PTPRM: variants seen among roughly 807,000 people sequenced by gnomAD.
PTPRM encodes receptor-type tyrosine-protein phosphatase mu.
PTPRM carries 47 observed loss-of-function variants against 186.7 expected under a neutral mutation model. The ratio of observed to expected loss-of-function variants is 0.25; its 90% confidence interval spans 0.20 to 0.32. The LOEUF is 0.32. Ranked by LOEUF, PTPRM falls within the 10% of genes least tolerant of loss-of-function variation. PTPRM has a pLI of 1.00. For synonymous variants in PTPRM, 668 were observed against 674.9 expected, an observed-to-expected ratio of 0.99 and a Z score of 0.16; for missense variants, 1,494 against 1,865.0, an observed-to-expected ratio of 0.80 and a Z score of 3.66.
chr18:8,322,445 C>CT (rs1458738397), intron 22 of PTPRM, among the ~76,000 whole-genome samples: 4 of 152,160 alleles, frequency 2.6e-5, no homozygotes, highest in Non-Finnish European at 5.9e-5. Flanking sequence ...TGTCTGGCCA[C>CT]TAATATATGA....
At chr18:8,314,027 C>T (rs568719311) in intron 20 of PTPRM, among the ~76,000 whole-genome samples, 22 of 152,170 alleles carry the variant, frequency 1.4e-4, no homozygotes, top group African/African-American at 4.1e-4. Flanking sequence ...TATACATTTT[C>T]AAGGAAATAA....
At chr18:7,628,628 T>C (rs1182787523) in intron 1 of PTPRM, among the ~76,000 whole-genome samples, 1 of 152,224 alleles carries the variant, frequency 6.6e-6, no homozygotes, top group Non-Finnish European at 1.5e-5. Context: ...ATCTTTTTTT[T>C]ACTATATTGA....
chr18:8,158,375 A>G (rs1362787651), intron 14 of PTPRM, among the ~76,000 whole-genome samples: 1 of 152,132 alleles, frequency 6.6e-6, no homozygotes, highest in Non-Finnish European at 1.5e-5. Context: ...TTCACTTTCT[A>G]GTTCATAAGA....
intron 2 of PTPRM, among the ~76,000 whole-genome samples, chr18:7,796,212 G>C (rs2043636782): frequency 6.6e-6 from 1 of 151,984 alleles, no homozygotes; most frequent in Admixed American, 6.6e-5. Flanking sequence ...ATTAACGGAT[G>C]TTCACTGGTG....
intron 14 of PTPRM, among the ~76,000 whole-genome samples, chr18:8,178,393 T>A (rs967635379): frequency 6.6e-6 from 1 of 152,256 alleles, no homozygotes; most frequent in African/African-American, 2.4e-5. Flanking sequence ...AGGACTGATT[T>A]GTTTGCAAAA....
At chr18:8,347,991 G>GA (rs1292262966) in intron 23 of PTPRM, among the ~76,000 whole-genome samples, 1 of 152,186 alleles carries the variant, frequency 6.6e-6, no homozygotes, top group African/African-American at 2.4e-5. Flanking sequence ...TCCCTCATGG[G>GA]AAAAGCACTC....
At chr18:8,401,799 A>G (rs2095873617) in intron 32 of PTPRM, among the ~76,000 whole-genome samples, 1 of 152,178 alleles carries the variant, frequency 6.6e-6, no homozygotes, top group Non-Finnish European at 1.5e-5. Flanking sequence ...AGCCAACCTC[A>G]ATTTCCAGTT....
At chr18:8,378,878 C>T (rs1049444374) in intron 27 of PTPRM, among the ~76,000 whole-genome samples, 3 of 152,182 alleles carry the variant, frequency 2.0e-5, no homozygotes, top group South Asian at 4.1e-4. Context: ...CTCTGACCTC[C>T]CAAATCCCCA....
chr18:7,952,515 G>A (rs900969666), intron 6 of PTPRM, among the ~76,000 whole-genome samples: 30 of 151,348 alleles, frequency 2.0e-4, no homozygotes, highest in East Asian at 5.9e-4. Context: ...TGGCTAACAC[G>A]GTGAAACCCT....
chr18:8,300,153 A>T (rs1262909261), intron 20 of PTPRM, among the ~76,000 whole-genome samples: 1 of 152,192 alleles, frequency 6.6e-6, no homozygotes, highest in Admixed American at 6.5e-5. Flanking sequence ...CAGGTCCATA[A>T]ATAAATGGAG....
At chr18:7,961,466 A>G (rs1599737817) in intron 7 of PTPRM, among the ~76,000 whole-genome samples, 1 of 152,184 alleles carries the variant, frequency 6.6e-6, no homozygotes, top group African/African-American at 2.4e-5. Context: ...CTTTTTAATT[A>G]TGCTGATAAT....
chr18:8,235,811 T>G (rs1354557095), intron 14 of PTPRM, among the ~76,000 whole-genome samples: 1 of 125,834 alleles, frequency 7.9e-6, no homozygotes, highest in Non-Finnish European at 1.8e-5. Context: ...TAAATTTCTC[T>G]TGAGATTTCT....
chr18:7,890,334 C>T lies in PTPRM; in HGVS notation c.468+1957C>T, dbSNP rs116256246. On this transcript the variant is annotated intron_variant, in intron 3 of 32. Coordinates refer to ENST00000580170, the MANE Select transcript of PTPRM (RefSeq NM_001105244.2). ...CAGGGCTGCTTGTCTTCAAAATGGGCGTGAACAGCATCCAGTAATCCATTC... is the reference window on the plus strand; with the variant it reads ...CAGGGCTGCTTGTCTTCAAAATGGGTGTGAACAGCATCCAGTAATCCATTC... 5.8e-3 allele frequency among the ~76,000 whole-genome samples: 877 copies of T among 152,128 alleles called. 4 individuals are homozygous for T. The highest frequency in any genetic ancestry group is 0.02 in the African/African-American group (844 of 41,506).
chr18:7,604,828 C>A (rs1427415047), intron 1 of PTPRM, among the ~76,000 whole-genome samples: 1 of 152,138 alleles, frequency 6.6e-6, no homozygotes, highest in African/African-American at 2.4e-5. Flanking sequence ...TGTACTTCAG[C>A]TGGTGTCCCT....
chr18:8,347,521 G>A (rs2095511724), intron 23 of PTPRM, among the ~76,000 whole-genome samples: 1 of 152,150 alleles, frequency 6.6e-6, no homozygotes. Flanking sequence ...AATTTTCAGG[G>A]AGCCAGGTTT....
chr18:7,763,599 T>C (rs2041882391), intron 1 of PTPRM, among the ~76,000 whole-genome samples: 1 of 152,210 alleles, frequency 6.6e-6, no homozygotes, highest in South Asian at 2.1e-4. Context: ...TTAGAAGAAG[T>C]TCTCCTCATG....
intron 13 of PTPRM, among the ~76,000 whole-genome samples, chr18:8,133,204 A>T (rs1181593740): frequency 6.6e-6 from 1 of 151,978 alleles, no homozygotes; most frequent in East Asian, 1.9e-4. Context: ...CTTAATACTG[A>T]CTCTTACAAT....
chr18:8,371,093 C>G (rs1054586984), intron 24 of PTPRM, 87 bp downstream of exon 24: 2 of 712,408 alleles, frequency 2.8e-6, no homozygotes, highest in Non-Finnish European at 4.6e-6. Context: ...ATACTTTACA[C>G]ATGCTCATAT....
At chr18:7,611,637 C>T (rs988640066) in intron 1 of PTPRM, among the ~76,000 whole-genome samples, 2 of 152,174 alleles carry the variant, frequency 1.3e-5, no homozygotes, top group Non-Finnish European at 2.9e-5. Flanking sequence ...TGAATTCCCA[C>T]ATGTTGTGGG....
Sources: gnomAD v4.1 joint callset for allele counts (sites outside exome capture counted in the v4.1 genomes callset) on GRCh38, gnomAD v4.1.1 for gene constraint, MANE v1.5 for transcripts, NCBI Gene and HGNC (gene_info 2026-07-23, HGNC 2026-07-21) for gene names.